The following COL11A1 variants were observed in gnomAD, a reference collection of about 807,000 sequenced individuals.
COL11A1 encodes collagen alpha-1(XI) chain.
A neutral mutation model predicts 265.2 loss-of-function variants in COL11A1; 74 were observed. The ratio of observed to expected loss-of-function variants is 0.28; its 90% CI spans 0.23 to 0.34. COL11A1 has a LOEUF of 0.34. COL11A1 is among the 10% of genes least tolerant of loss of function. The probability of loss-of-function intolerance (pLI) is 1.00; values close to 1 mark genes in which losing one functional copy is unlikely to be tolerated. For missense variants in COL11A1, 2,165 were observed against 2,263.6 expected (o/e 0.96, Z 0.88); for synonymous variants, 816 against 727.6 (o/e 1.12, Z -1.96).
intron 24 of COL11A1, chr1:103,000,898 C>T (rs972099146): frequency 8.7e-6 from 3 of 343,872 alleles, no homozygotes; most frequent in African/African-American, 6.3e-5. Context: ...CTGGTATACC[C>T]AATCAATGGA....
chr1:102,962,344 A>G, intron 39 of COL11A1, 79 bp from the exon 40 acceptor site: 1 of 1,063,652 alleles, frequency 9.4e-7, no homozygotes, highest in Non-Finnish European at 1.5e-6. Context: ...ATTACCTCTA[A>G]ACTACTGTAA....
At chr1:102,945,900 C>A (rs1202263317) in intron 42 of COL11A1, among the ~76,000 whole-genome samples, 1 of 151,292 alleles carries the variant, frequency 6.6e-6, no homozygotes, top group East Asian at 2.0e-4. Flanking sequence ...CGGCACTATT[C>A]ACAATAGCAA....
At position 103,021,723 on chromosome 1, in the gene COL11A1, G is replaced by T. The variant is rs778541934; in HGVS notation, c.1292C>A (p.Pro431Gln). The T allele has an allele frequency of 6.2e-7, 1 of 1,612,348 alleles. No homozygotes were observed. Among genetic ancestry groups the T allele is most frequent in the Non-Finnish European group, 8.5e-7 (1 of 1,178,542 alleles). ...ACTACTTACAGGCTCAACCACTGCT[G>T]GTTCTCCTTTCTGTCCTTTCTCTCC... ...AYGEKGQKGE[P>Q]AVVEPGMLVE... is the part of the protein sequence containing the mutation. Residue 431 changes from proline to glutamine, a missense_variant, in exon 9 of 67, where the codon CCA becomes CAA. By Grantham distance (76) the Pro-to-Gln change is moderately conservative. Coordinates refer to ENST00000370096, the MANE Select transcript of COL11A1 (RefSeq NM_001854.4).
At chr1:103,083,652 C>G (rs1034997718) in intron 1 of COL11A1, among the ~76,000 whole-genome samples, 1 of 152,148 alleles carries the variant, frequency 6.6e-6, no homozygotes, top group Non-Finnish European at 1.5e-5. Flanking sequence ...AAATTATATA[C>G]AGGTACTTAT....
At chr1:102,899,466 A>G (rs1164958994) in intron 54 of COL11A1, among the ~76,000 whole-genome samples, 1 of 152,168 alleles carries the variant, frequency 6.6e-6, no homozygotes, top group East Asian at 1.9e-4. Flanking sequence ...AAGAAACACA[A>G]TATTTTAAAT....
chr1:102,909,262 C>G (rs577877522), intron 54 of COL11A1, among the ~76,000 whole-genome samples: 1 of 152,216 alleles, frequency 6.6e-6, no homozygotes, highest in South Asian at 2.1e-4. Context: ...CTTCCTCTGT[C>G]ACCTTGTTAT....
At chr1:102,901,866 A>G (rs984743589) in intron 54 of COL11A1, among the ~76,000 whole-genome samples, 1 of 152,222 alleles carries the variant, frequency 6.6e-6, no homozygotes, top group African/African-American at 2.4e-5. Context: ...TATCCCTTAT[A>G]TTCCAGAATG....
At chr1:102,915,455 A>G (rs147228236) in intron 50 of COL11A1, among the ~76,000 whole-genome samples, 176 bp downstream of exon 50, 3 of 152,284 alleles carry the variant, frequency 2.0e-5, no homozygotes, top group Admixed American at 6.5e-5. Context: ...ATCAATCCAC[A>G]TATGTAAAGA....
intron 1 of COL11A1, among the ~76,000 whole-genome samples, chr1:103,088,762 A>T (rs537036915): frequency 1.8e-4 from 27 of 152,334 alleles, no homozygotes; most frequent in African/African-American, 6.5e-4. Context: ...GGAAAGAAAC[A>T]GCAGATATGG....
chr1:102,914,446 T>C (rs775359135), intron 51 of COL11A1, 41 bp from the exon 52 acceptor site: 3 of 1,518,780 alleles, frequency 2.0e-6, no homozygotes, highest in Non-Finnish European at 2.7e-6. Flanking sequence ...AAATGAAAAA[T>C]AAATTTTTAT....
rs767032677 is a variant in COL11A1 at position 103,022,996 on chromosome 1, G to T, written c.991C>A (p.Pro331Thr). Reference sequence around the variant, plus strand: ...GTAAATATTTCTTCAACTGGATTTGGCTATTAATTTAAATTGCAAGGAATT... The same window carrying T: ...GTAAATATTTCTTCAACTGGATTTGTCTATTAATTTAAATTGCAAGGAATT... Reference protein sequence around the residue: ...APRHVSGTNEPNPVEEIFTEE... With the variant: ...APRHVSGTNETNPVEEIFTEE... Residue 331 changes from proline to threonine, a missense_variant and splice_region_variant, in exon 8 of 67, where the codon CCA (proline) becomes ACA (threonine). Physicochemically the swap from Pro to Thr is conservative, Grantham distance 38. Coordinates refer to ENST00000370096, the MANE Select transcript of COL11A1 (RefSeq NM_001854.4). 1 of 1,611,454 alleles carries T rather than the reference G, an allele frequency of 6.2e-7. No homozygotes were observed. Among genetic ancestry groups the T allele is most frequent in the Admixed American group, 1.7e-5 (1 of 59,998 alleles).
At chr1:102,911,859 A>G (rs1279060277) in intron 54 of COL11A1, among the ~76,000 whole-genome samples, 1 of 152,188 alleles carries the variant, frequency 6.6e-6, no homozygotes, top group Non-Finnish European at 1.5e-5. Context: ...GTTAATGTTC[A>G]GGATACCACC....
chr1:102,932,774 G>A (rs1657636486), intron 46 of COL11A1, among the ~76,000 whole-genome samples: 1 of 151,088 alleles, frequency 6.6e-6, no homozygotes, highest in Non-Finnish European at 1.5e-5. Context: ...CATATTTCTT[G>A]GAGGCTTTGC....
chr1:103,008,298 G>A (rs1287212158), intron 15 of COL11A1, among the ~76,000 whole-genome samples, 165 bp downstream of exon 15: 6 of 151,814 alleles, frequency 4.0e-5, no homozygotes, highest in Admixed American at 1.3e-4. Context: ...CCCAAATATC[G>A]TAATCAGTTT....
At position 103,083,758 on chromosome 1, in the gene COL11A1, T is replaced by A. The variant is rs185626782; in HGVS notation, c.107-786A>T. 4.9e-3 allele frequency among the ~76,000 whole-genome samples: 742 copies of A among 152,300 alleles called. 3 individuals are homozygous for A. The highest frequency in any genetic ancestry group is 0.01 in the Middle Eastern group (3 of 294). On this transcript the variant is annotated intron_variant, in intron 1 of 66. Transcript: ENST00000370096. ...CAGTCACTTCATGGATATTACTCCA[T>A]ACTTCATTATTTAGGCTGAAAGTCC...
Position 102,889,574 on chromosome 1 carries a change from A to G in COL11A1, c.4357-12T>C. The G allele has an allele frequency of 6.3e-7, 1 of 1,585,096 alleles. No individual in the cohort carries two copies. The highest frequency in any genetic ancestry group is 8.7e-7 in the Non-Finnish European group (1 of 1,153,844). On this transcript the variant is annotated splice_polypyrimidine_tract_variant and intron_variant, in intron 58 of 66. Transcript: ENST00000370096. ...AAACCAGGATGTCCCTTTGAAAGGC[A>G]GAGAAAAAAAATAATAACATGTACA...
chr1:102,918,570 A>G (rs1021349281), intron 49 of COL11A1, among the ~76,000 whole-genome samples: 5 of 133,952 alleles, frequency 3.7e-5, no homozygotes, highest in African/African-American at 1.2e-4. Flanking sequence ...CTTGATTAAA[A>G]AACATCAACA....
chr1:103,023,029 AT>A, intron 7 of COL11A1, 33 bp from the exon 8 acceptor site: 1 of 1,601,432 alleles, frequency 6.2e-7, no homozygotes, highest in Non-Finnish European at 8.5e-7. Flanking sequence ...ATTGAGGAAC[AT>A]GAAGTTTATT....
At chr1:102,996,944 A>G (rs939344490) in intron 26 of COL11A1, 136 bp downstream of exon 26, 8 of 741,494 alleles carry the variant, frequency 1.1e-5, no homozygotes, top group Non-Finnish European at 1.9e-5. Flanking sequence ...TATAAAATTA[A>G]AAGTAGTCTA....
Sources: gnomAD v4.1 joint callset for allele counts (sites outside exome capture counted in the v4.1 genomes callset) on GRCh38, gnomAD v4.1.1 for gene constraint, MANE v1.5 for transcripts, NCBI Gene and HGNC (gene_info 2026-07-23, HGNC 2026-07-21) for gene names.